GOLGA5: variants seen among roughly 807,000 people sequenced by gnomAD.
GOLGA5 encodes golgin A5.
Under a neutral mutation model 93.5 loss-of-function variants are expected in GOLGA5, and 50 were observed. The ratio of observed to expected loss-of-function variants is 0.53; its 90% CI spans 0.43 to 0.68. The LOEUF (loss-of-function observed/expected upper bound fraction) is 0.68, where lower values mean the gene tolerates loss of function less well. Ranked by LOEUF, GOLGA5 falls within the 30% of genes least tolerant of loss-of-function variation. The pLI is 0.00. For missense variants in GOLGA5, 760 were observed against 856.4 expected, an observed-to-expected ratio of 0.89 and a Z score of 1.40; for synonymous variants, 312 against 304.5, an observed-to-expected ratio of 1.02 and a Z score of -0.26.
intron 8 of GOLGA5, among the ~76,000 whole-genome samples, chr14:92,820,332 C>T (rs1401296701): frequency 2.0e-5 from 3 of 152,208 alleles, no homozygotes; most frequent in Non-Finnish European, 1.5e-5. Flanking sequence ...CTTCTCTCCA[C>T]CCAAACATCT....
At position 92,797,537 on chromosome 14, in the gene GOLGA5, A is replaced by G; in HGVS notation, c.100A>G (p.Asn34Asp). Reference sequence around the variant, plus strand: ...TCTCAGTAGGAAAGACAATGCCAGCAACATATATAGCAAAAATACTGACTA... The same window carrying G: ...TCTCAGTAGGAAAGACAATGCCAGCGACATATATAGCAAAAATACTGACTA... Reference protein sequence around the residue: ...TALSRKDNASNIYSKNTDYTE... With the variant: ...TALSRKDNASDIYSKNTDYTE... Residue 34 changes from asparagine (N) to aspartate (D), a missense_variant, in exon 2 of 13, where the codon AAC becomes GAC. By Grantham distance (23) the Asn-to-Asp change is conservative. Coordinates refer to ENST00000163416, the MANE Select transcript of GOLGA5 (RefSeq NM_005113.4). The G allele has an allele frequency of 2.5e-6, 4 of 1,613,252 alleles. No individual in the cohort carries two copies.
chr14:92,833,059 G>A, intron 9 of GOLGA5, 63 bp from the exon 10 acceptor site: 1 of 885,888 alleles, frequency 1.1e-6, no homozygotes, highest in Non-Finnish European at 1.9e-6. Context: ...ATGTAGTAGT[G>A]TGATTTCTGT....
Position 92,828,905 on chromosome 14 carries a change from C to G in GOLGA5, c.1720-4217C>G, listed in dbSNP as rs146277682. ...GTTGGTCTCTAACTCCTGGCCTCAA[C>G]CAATCCACCTGCGTCAGCGTCCCAA... is the stretch of plus-strand genomic sequence containing the variant. On this transcript the variant is annotated intron_variant, in intron 9 of 12. Coordinates refer to ENST00000163416, the MANE Select transcript of GOLGA5 (RefSeq NM_005113.4). Among the ~76,000 whole-genome samples, 822 of 152,186 alleles carry G rather than the reference C, an allele frequency of 5.4e-3. 4 individuals are homozygous for G. Among genetic ancestry groups the G allele is most frequent in the African/African-American group, 0.018 (743 of 41,530 alleles).
intron 2 of GOLGA5, among the ~76,000 whole-genome samples, chr14:92,801,735 C>CTTT (rs11388778): frequency 2.0e-4 from 28 of 143,264 alleles, no homozygotes; most frequent in South Asian, 1.1e-3. Context: ...TTCCCTTTTT[C>CTTT]TTTTTTTTTT....
chr14:92,798,115 G>C (rs564069214), intron 2 of GOLGA5, 134 bp downstream of exon 2: 3 of 663,208 alleles, frequency 4.5e-6, no homozygotes, highest in East Asian at 5.2e-5. Flanking sequence ...CTGCAAATGT[G>C]TGGTGTAAAC....
At chr14:92,837,064 T>C in intron 11 of GOLGA5, among the ~76,000 whole-genome samples, 2 of 147,950 alleles carry the variant, frequency 1.4e-5, no homozygotes, top group South Asian at 2.1e-4. Flanking sequence ...GGAGAGAAAC[T>C]CCGTCTCAAA....
At chr14:92,797,150 T>G (rs1884752292) in intron 1 of GOLGA5, among the ~76,000 whole-genome samples, 2 of 152,092 alleles carry the variant, frequency 1.3e-5, no homozygotes, top group African/African-American at 4.8e-5. Flanking sequence ...GAGTGCTTAT[T>G]ATGTGCCAAG....
At chr14:92,808,397 G>A (rs1161286346) in intron 3 of GOLGA5, among the ~76,000 whole-genome samples, 1 of 152,210 alleles carries the variant, frequency 6.6e-6, no homozygotes, top group Non-Finnish European at 1.5e-5. Flanking sequence ...CGCTTTGGAA[G>A]GCTGAGATGG....
chr14:92,835,704 T>C, intron 11 of GOLGA5, 40 bp downstream of exon 11: 1 of 1,230,700 alleles, frequency 8.1e-7, no homozygotes, highest in Non-Finnish European at 1.2e-6. Flanking sequence ...GACCATCAGC[T>C]GTTTTTACGT....
At position 92,797,716 on chromosome 14, in the gene GOLGA5, G is replaced by A. The variant is rs767143480; in HGVS notation, c.279G>A (p.Glu93=). 6.2e-7 allele frequency: 1 copy of A among 1,614,018 alleles called. No individual in the cohort carries two copies. The highest frequency in any genetic ancestry group is 8.5e-7 in the Non-Finnish European group (1 of 1,179,938). The change falls in exon 2 of 13, where the codon GAG becomes GAA. Residue 93 remains glutamate, a synonymous_variant. Transcript: ENST00000163416. Reference sequence around the variant, plus strand: ...AAGTAGGATCTCGGACACCAGTAGAGGCCTCTCATCCTGTTGAAAATGCAT... The same window carrying A: ...AAGTAGGATCTCGGACACCAGTAGAAGCCTCTCATCCTGTTGAAAATGCAT... ...NVKVGSRTPV[E]ASHPVENASV...
chr14:92,794,871 C>G (rs1445424352), intron 1 of GOLGA5, among the ~76,000 whole-genome samples: 6 of 134,132 alleles, frequency 4.5e-5, no homozygotes, highest in Non-Finnish European at 9.4e-5. Context: ...CAGCCCTTTG[C>G]AGACCCATCC....
chr14:92,838,272 T>C (rs1056101286), intron 12 of GOLGA5, among the ~76,000 whole-genome samples: 7 of 152,182 alleles, frequency 4.6e-5, no homozygotes, highest in African/African-American at 1.4e-4. Context: ...TTGGGTTGAA[T>C]GAAAATGGGC....
chr14:92,822,929 G>T (rs1022021088), intron 8 of GOLGA5, among the ~76,000 whole-genome samples: 3 of 152,104 alleles, frequency 2.0e-5, no homozygotes, highest in Non-Finnish European at 2.9e-5. Context: ...AAAGTGCTGG[G>T]ATTACAGTTG....
Position 92,837,411 on chromosome 14 carries a change from A to T in GOLGA5, c.2077A>T (p.Arg693Ter). The T allele has an allele frequency of 6.4e-7, 1 of 1,550,884 alleles. No homozygotes were observed. Among genetic ancestry groups the T allele is most frequent in the Non-Finnish European group, 8.9e-7 (1 of 1,122,898 alleles). ...FSIRLGIFLR[R>*]YPIARVFVII... ...TATTCGCCTGGGAATTTTTCTCCGA[A>T]GATACCCCATAGCGCGAGTTTTTGT... The change falls in exon 12 of 13, where the codon AGA becomes TGA. Residue 693 changes from arginine (R) to a stop codon, truncating the protein, a stop_gained. Transcript: ENST00000163416. LOFTEE classifies it high-confidence loss of function.
chr14:92,797,654 CA>C lies in GOLGA5; in HGVS notation c.222del (p.Ala75ProfsTer4). 1 of 1,613,684 alleles carries C rather than the reference CA, an allele frequency of 6.2e-7. No individual in the cohort carries two copies. Among genetic ancestry groups the C allele is most frequent in the Non-Finnish European group, 8.5e-7 (1 of 1,179,654 alleles). On this transcript the variant is annotated frameshift_variant, in exon 2 of 13. Transcript: ENST00000163416. LOFTEE classifies it high-confidence loss of function. ...ATCAGCAGCTGATAACATTCGAAATCAAAAAGCCACCATCTTAGCTGGCACT... is the reference window on the plus strand; with the variant it reads ...ATCAGCAGCTGATAACATTCGAAATCAAAAGCCACCATCTTAGCTGGCACT... ...ISSAADNIRN[Q>X]KATILAGTAN...
Position 92,839,735 on chromosome 14 carries a change from C to T in GOLGA5, c.*289C>T, listed in dbSNP as rs1885719321. On this transcript the variant is annotated 3_prime_UTR_variant, in exon 13 of 13. Transcript: ENST00000163416. ...GATGGTGGGGTTGTTCACCTCTGTA[C>T]AGACCATCTGTATGTTAGGTGACAT... 1 of 359,544 alleles carries T rather than the reference C, an allele frequency of 2.8e-6. No homozygotes were observed. The highest frequency in any genetic ancestry group is 4.5e-5 in the Admixed American group (1 of 22,432). The allele number at this position is 359,544 out of a possible 1,614,324, so 22.3% of individuals were successfully genotyped here. A position where few individuals can be genotyped will look rare whatever the true frequency, so the allele number is the denominator to read the frequency against.
Position 92,797,374 on chromosome 14 carries a change from A to G in GOLGA5, c.-30-34A>G. On this transcript the variant is annotated intron_variant, in intron 1 of 12. Transcript: ENST00000163416. ...TAACCATTTATCATACTCTGCCACT[A>G]TGCCACACTGATCATTTTATGTCCT... The G allele has an allele frequency of 4.0e-6, 5 of 1,257,912 alleles. No individual in the cohort carries two copies. The South Asian group carries it at 4.2e-5, about 11-fold the overall frequency. The allele number at this position is 1,257,912 out of a possible 1,614,324, so 77.9% of individuals were successfully genotyped here.
intron 7 of GOLGA5, 111 bp downstream of exon 7, chr14:92,816,532 G>T (rs539292503): frequency 1.1e-5 from 7 of 659,038 alleles, no homozygotes; most frequent in Admixed American, 8.9e-5. Context: ...GCTTCTCTTC[G>T]CTTCGCTTCG....
chr14:92,820,728 G>A (rs1885301463), intron 8 of GOLGA5, among the ~76,000 whole-genome samples: 1 of 152,132 alleles, frequency 6.6e-6, no homozygotes, highest in African/African-American at 2.4e-5. Context: ...GGAGAATGGC[G>A]ATGACTTTTA....
Sources: allele counts gnomAD v4.1 joint callset (sites outside exome capture counted in the v4.1 genomes callset), GRCh38; gene constraint gnomAD v4.1.1; transcripts MANE v1.5; gene names NCBI Gene and HGNC (gene_info 2026-07-23, HGNC 2026-07-21).